Variants in DYRK3 observed in about 807,000 individuals in gnomAD.
The protein encoded by DYRK3 is dual specificity tyrosine phosphorylation regulated kinase 3, also known as dual specificity tyrosine-phosphorylation-regulated kinase 3.
In DYRK3, 30 loss-of-function variants were observed where a neutral mutation model predicts 40.8. The observed-to-expected ratio is 0.74, with a 90% confidence interval of 0.55 to 1.00. DYRK3 has a LOEUF of 1.00. Among genes scored for constraint, DYRK3 ranks in the 50% least tolerant of loss-of-function variants. DYRK3 has a pLI of 0.00. For synonymous variants in DYRK3, 272 were observed against 260.7 expected, an observed-to-expected ratio of 1.04 and a Z score of -0.42; for missense variants, 699 against 731.5, an observed-to-expected ratio of 0.96 and a Z score of 0.51.
intron 2 of DYRK3, among the ~76,000 whole-genome samples, chr1:206,642,922 A>T (rs1378563623): frequency 1.3e-5 from 2 of 151,272 alleles, no homozygotes; most frequent in African/African-American, 2.4e-5. Flanking sequence ...TATAACTTAT[A>T]ATAATAATAA....
rs1228485211 is a variant in DYRK3, at chr1:206,654,981, C to G, written c.*6016C>G. ...GTGGTGACCTGTGGCTATTTCAGCT[C>G]AGAATGTCAGCCTCTGAAGCATCAG... is the stretch of plus-strand genomic sequence containing the variant. On this transcript the variant is annotated 3_prime_UTR_variant, in exon 3 of 3. Coordinates refer to ENST00000367109, the MANE Select transcript of DYRK3 (RefSeq NM_003582.4). Among the ~76,000 whole-genome samples, 3 of 152,194 alleles carry G rather than the reference C, an allele frequency of 2.0e-5. No individual in the cohort carries two copies. Among genetic ancestry groups the G allele is most frequent in the Non-Finnish European group, 4.4e-5 (3 of 68,036 alleles).
At chr1:206,635,834 T>C in intron 1 of DYRK3, 54 bp downstream of exon 1, 1 of 1,241,356 alleles carries the variant, frequency 8.1e-7, no homozygotes, top group Non-Finnish European at 1.0e-6. Context: ...CGGCTGGCGC[T>C]GGCAAGCGAA....
At position 206,637,747 on chromosome 1, in the gene DYRK3, C is replaced by A; in HGVS notation, c.175C>A (p.Pro59Thr). The A allele has an allele frequency of 6.2e-7, 1 of 1,611,908 alleles. No individual in the cohort carries two copies. The highest frequency in any genetic ancestry group is 8.5e-7 in the Non-Finnish European group (1 of 1,178,118). ...VLCNPSEPPP[P>T]RRLNMTTEQF... Reference sequence around the variant, plus strand: ...CTGCAATCCTTCTGAACCACCTCCACCCAGAAGACTAAATGTAAGTAAAAG... The same window carrying A: ...CTGCAATCCTTCTGAACCACCTCCAACCAGAAGACTAAATGTAAGTAAAAG... The change falls in exon 2 of 3, where the codon CCC (proline) becomes ACC (threonine). Residue 59 changes from proline to threonine, a missense_variant. Physicochemically the swap from Pro to Thr is conservative, Grantham distance 38. Coordinates refer to ENST00000367109, the MANE Select transcript of DYRK3 (RefSeq NM_003582.4).
chr1:206,647,307 G>A (rs901899294), intron 2 of DYRK3, 81 bp from the exon 3 acceptor site: 2 of 1,373,782 alleles, frequency 1.5e-6, no homozygotes, highest in African/African-American at 2.9e-5. Flanking sequence ...GACATGTTTT[G>A]TTGTTATTCA....
intron 2 of DYRK3, among the ~76,000 whole-genome samples, chr1:206,641,469 C>A (rs1553419348): frequency 6.7e-6 from 1 of 149,600 alleles, no homozygotes; most frequent in Admixed American, 6.7e-5. Flanking sequence ...ACCATAATTT[C>A]TTTATCTACT....
At chr1:206,639,958 C>T (rs1417082469) in intron 2 of DYRK3, among the ~76,000 whole-genome samples, 15 of 132,926 alleles carry the variant, frequency 1.1e-4, no homozygotes, top group African/African-American at 8.4e-5. Flanking sequence ...TTTTTGAGAC[C>T]GAGTCTCGCT....
chr1:206,644,495 T>G (rs1671392665), intron 2 of DYRK3, among the ~76,000 whole-genome samples: 1 of 152,240 alleles, frequency 6.6e-6, no homozygotes, highest in Admixed American at 6.5e-5. Context: ...TGCTTGTAGA[T>G]GTTTGTTTTT....
Position 206,654,623 on chromosome 1 carries a change from G to T in DYRK3, c.*5658G>T, listed in dbSNP as rs1389563383. Among the ~76,000 whole-genome samples, 2 of 152,078 alleles carry T rather than the reference G, an allele frequency of 1.3e-5. No homozygotes were observed. The highest frequency in any genetic ancestry group is 1.9e-4 in the East Asian group (1 of 5,200). On this transcript the variant is annotated 3_prime_UTR_variant, in exon 3 of 3. Transcript: ENST00000367109. ...CTGGCCTTCAGCCTAATATGATTAGGGTGTTTTTCTGAGTGTCTGTCAAAT... is the reference window on the plus strand; with the variant it reads ...CTGGCCTTCAGCCTAATATGATTAGTGTGTTTTTCTGAGTGTCTGTCAAAT...
intron 1 of DYRK3, among the ~76,000 whole-genome samples, chr1:206,637,409 T>C (rs1454024997): frequency 6.6e-6 from 1 of 152,266 alleles, no homozygotes; most frequent in Non-Finnish European, 1.5e-5. Context: ...TTTAACAACA[T>C]TCAGAAGGAC....
At position 206,648,274 on chromosome 1, in the gene DYRK3, G is replaced by A; in HGVS notation, c.1076G>A (p.Ser359Asn). The A allele has an allele frequency of 5.6e-6, 9 of 1,613,736 alleles. No individual in the cohort carries two copies. The highest frequency in any genetic ancestry group is 7.6e-6 in the Non-Finnish European group (9 of 1,179,932). ...ACCAAGGTCATTGACTTTGGGTCCA[G>A]CTGTTTCGAGTACCAGAAGCTCTAC... ...SSTKVIDFGS[S>N]CFEYQKLYTY... The change falls in exon 3 of 3, where the codon AGC becomes AAC. Residue 359 changes from serine (S) to asparagine (N), a missense_variant. By Grantham distance (46) the Ser-to-Asn change is conservative. Transcript: ENST00000367109.
In DYRK3 at chr1:206,652,316, G is replaced by T. The variant is rs563723437; in HGVS notation, c.*3351G>T. On this transcript the variant is annotated 3_prime_UTR_variant, in exon 3 of 3. Coordinates refer to ENST00000367109, the MANE Select transcript of DYRK3 (RefSeq NM_003582.4). ...AAGCATTACTACCCCATATGCATCT[G>T]ATGTACACTGTGTTTTGGTGTTTGT... 6.6e-6 allele frequency among the ~76,000 whole-genome samples: 1 copy of T among 152,312 alleles called. No homozygotes were observed. Among genetic ancestry groups the T allele is most frequent in the East Asian group, 1.9e-4 (1 of 5,190 alleles).
At position 206,644,198 on chromosome 1, in the gene DYRK3, C is replaced by T. The variant is rs531483178; in HGVS notation, c.190-3190C>T. On this transcript the variant is annotated intron_variant, in intron 2 of 2. Coordinates refer to ENST00000367109, the MANE Select transcript of DYRK3 (RefSeq NM_003582.4). ...TACAGGCACACACTACCACACCTGGCTAATTTTTGTATTTTTAGTAGAGAT... is the reference window on the plus strand; with the variant it reads ...TACAGGCACACACTACCACACCTGGTTAATTTTTGTATTTTTAGTAGAGAT... 7.0e-4 allele frequency among the ~76,000 whole-genome samples: 106 copies of T among 152,088 alleles called. No individual in the cohort carries two copies. The South Asian group carries it at 0.021, about 31-fold the overall frequency.
At position 206,653,061 on chromosome 1, in the gene DYRK3, G is replaced by A. The variant is rs545955714; in HGVS notation, c.*4096G>A. 1.1e-4 allele frequency among the ~76,000 whole-genome samples: 17 copies of A among 151,910 alleles called. No homozygotes were observed. The highest frequency in any genetic ancestry group is 2.9e-4 in the African/African-American group (12 of 41,402). ...TTTTGAGACAGAGTCTCGCTCTGTCGTCCAGGCTGGAGTGAAGTGGCGCAG... is the reference window on the plus strand; with the variant it reads ...TTTTGAGACAGAGTCTCGCTCTGTCATCCAGGCTGGAGTGAAGTGGCGCAG... On this transcript the variant is annotated 3_prime_UTR_variant, in exon 3 of 3. Transcript: ENST00000367109.
intron 2 of DYRK3, among the ~76,000 whole-genome samples, chr1:206,638,478 G>A (rs1180224680): frequency 6.6e-6 from 1 of 151,422 alleles, no homozygotes. Flanking sequence ...GTTTCACCAT[G>A]TTGGTCAGGC....
In DYRK3 at chr1:206,648,035, A is replaced by G. The variant is rs782269982; in HGVS notation, c.837A>G (p.Thr279=). 5 of 1,614,190 alleles carry G rather than the reference A, an allele frequency of 3.1e-6. No homozygotes were observed. Among genetic ancestry groups the G allele is most frequent in the Non-Finnish European group, 4.2e-6 (5 of 1,180,028 alleles). Residue 279 remains threonine (T), a synonymous_variant, in exon 3 of 3, where the codon ACA becomes ACG. Transcript: ENST00000367109. ...MNVIHMLESF[T]FRNHVCMAFE... is the part of the protein sequence containing the mutation. ...TTATCCACATGCTGGAAAGTTTCACATTCCGGAACCATGTTTGCATGGCCT... is the reference window on the plus strand; with the variant it reads ...TTATCCACATGCTGGAAAGTTTCACGTTCCGGAACCATGTTTGCATGGCCT...
intron 2 of DYRK3, among the ~76,000 whole-genome samples, chr1:206,641,017 G>C (rs1311048097): frequency 6.6e-6 from 1 of 151,954 alleles, no homozygotes; most frequent in African/African-American, 2.4e-5. Flanking sequence ...GAAAATACTT[G>C]GTAGAGTCAG....
chr1:206,637,289 T>G (rs1299060375), intron 1 of DYRK3, among the ~76,000 whole-genome samples: 1 of 152,204 alleles, frequency 6.6e-6, no homozygotes, highest in Non-Finnish European at 1.5e-5. Context: ...AACTATTACC[T>G]CTGTTAGTTT....
chr1:206,635,658 G>A lies in DYRK3; in HGVS notation c.-46G>A. 8.0e-7 allele frequency: 1 copy of A among 1,244,498 alleles called. No homozygotes were observed. The highest frequency in any genetic ancestry group is 4.0e-5 in the South Asian group (1 of 25,008). 77.1% of individuals were successfully genotyped at this position (1,244,498 alleles called of 1,614,324 possible). ...CCGGCGTAGGTGGCGTGGCCGACCGGACCCCCAACTGGCGCCTCTCCCCGC... is the reference window on the plus strand; with the variant it reads ...CCGGCGTAGGTGGCGTGGCCGACCGAACCCCCAACTGGCGCCTCTCCCCGC... On this transcript the variant is annotated 5_prime_UTR_variant, in exon 1 of 3. Transcript: ENST00000367109.
chr1:206,642,074 A>G (rs1336261457), intron 2 of DYRK3, among the ~76,000 whole-genome samples: 3 of 150,646 alleles, frequency 2.0e-5, no homozygotes, highest in Non-Finnish European at 4.4e-5. Context: ...ACTTAAACAA[A>G]TTTACAAGAA....
Sources: allele counts gnomAD v4.1 joint callset (sites outside exome capture counted in the v4.1 genomes callset), GRCh38; gene constraint gnomAD v4.1.1; transcripts MANE v1.5; gene names NCBI Gene and HGNC (gene_info 2026-07-23, HGNC 2026-07-21).